The following NLRP14 variants were observed in gnomAD, a reference collection of about 807,000 sequenced individuals.
NLRP14 encodes the protein NACHT, LRR and PYD domains-containing protein 14.
Under a neutral mutation model 94.7 loss-of-function variants are expected in NLRP14, and 105 were observed. The ratio of observed to expected loss-of-function variants is 1.11; its 90% confidence interval spans 0.95 to 1.30. The LOEUF is 1.30. Ranked by LOEUF, NLRP14 falls within the 50% of genes most tolerant of loss-of-function variation. The pLI is 0.00. For synonymous variants in NLRP14, 508 were observed against 459.9 expected (o/e 1.10, Z -1.34); for missense variants, 1,362 against 1,254.1 (o/e 1.09, Z -1.30).
downstream of NLRP14, among the ~76,000 whole-genome samples, chr11:7,076,271 T>C (rs1051889429): frequency 6.6e-6 from 1 of 152,174 alleles, no homozygotes; most frequent in Non-Finnish European, 1.5e-5. Context: ...GAAGAAAGGG[T>C]TTGCAATTTT....
At chr11:7,069,291 CAAAAA>C (rs1001444978) in intron 10 of NLRP14, among the ~76,000 whole-genome samples, 1 of 151,256 alleles carries the variant, frequency 6.6e-6, no homozygotes, top group Non-Finnish European at 1.5e-5. Context: ...GATCACTTAA[CAAAAA>C]AAAAGTTTTG....
Position 7,071,102 on chromosome 11 carries a change from C to A in NLRP14, c.3147-71C>A, listed in dbSNP as rs190834247. 10 of 1,551,702 alleles carry A rather than the reference C, an allele frequency of 6.4e-6. No homozygotes were observed. In the East Asian group the frequency reaches 1.1e-4, roughly 17 times the overall value. Reference sequence around the variant, plus strand: ...CAGTTTTTTTTCTCCTGAAATAAATCCTTTACAGAGAAAGTGGAGGGCTGT... The same window carrying A: ...CAGTTTTTTTTCTCCTGAAATAAATACTTTACAGAGAAAGTGGAGGGCTGT... On this transcript the variant is annotated intron_variant, in intron 11 of 11. Transcript: ENST00000299481.
chr11:7,028,424 A>G (rs554700628), intron 1 of NLRP14, among the ~76,000 whole-genome samples: 18 of 152,224 alleles, frequency 1.2e-4, no homozygotes, highest in Admixed American at 1.0e-3. Flanking sequence ...CGCCCTAGAC[A>G]TCATTTTCTC....
rs199769842 is a variant in NLRP14 at position 7,038,542 on chromosome 11, T to C, written c.-21-24T>C. ...GTGTCCCATTTATTCCATGTGCTTTTGGTTATTTTTTTTCCCCCCACAGAG... is the reference window on the plus strand; with the variant it reads ...GTGTCCCATTTATTCCATGTGCTTTCGGTTATTTTTTTTCCCCCCACAGAG... On this transcript the variant is annotated intron_variant, in intron 1 of 11. Transcript: ENST00000299481. 4.3e-5 allele frequency: 68 copies of C among 1,571,320 alleles called. No individual in the cohort carries two copies. The African/African-American group carries it at 7.3e-4, about 17-fold the overall frequency.
intron 1 of NLRP14, among the ~76,000 whole-genome samples, chr11:7,032,051 A>G (rs1400726709): frequency 6.6e-6 from 1 of 152,222 alleles, no homozygotes; most frequent in East Asian, 1.9e-4. Context: ...TACAGATGGC[A>G]GGCATTCATT....
chr11:7,051,414 A>G lies in NLRP14; in HGVS notation c.2291+1576A>G, dbSNP rs79495029. On this transcript the variant is annotated intron_variant, in intron 6 of 11. Transcript: ENST00000299481. Reference sequence around the variant, plus strand: ...TATAGACCATGCACAAGTTTTTAGAATTGCATTTTGATGTTATACTCTCTC... The same window carrying G: ...TATAGACCATGCACAAGTTTTTAGAGTTGCATTTTGATGTTATACTCTCTC... Among the ~76,000 whole-genome samples the G allele has an allele frequency of 2.6e-3, 389 of 152,182 alleles. 3 individuals are homozygous for G. Among genetic ancestry groups the G allele is most frequent in the African/African-American group, 9.2e-3 (380 of 41,528 alleles).
In NLRP14 at chr11:7,043,988, A is replaced by C. The variant is rs1852313421; in HGVS notation, c.1958+4A>C. ...CAAGCCTCCCAACTAACACTTGGTA[A>C]GTGTGTTAGGGCCATTCCCTGGAAG... is the stretch of plus-strand genomic sequence containing the variant. On this transcript the variant is annotated splice_donor_region_variant and intron_variant, in intron 4 of 11. Transcript: ENST00000299481. 4.3e-6 allele frequency: 7 copies of C among 1,613,536 alleles called. No individual in the cohort carries two copies. Among genetic ancestry groups the C allele is most frequent in the South Asian group, 1.1e-5 (1 of 91,072 alleles).
chr11:7,080,026 A>T, the NLRP14 span, among the ~76,000 whole-genome samples: 1 of 152,178 alleles, frequency 6.6e-6, no homozygotes, highest in Non-Finnish European at 1.5e-5. Flanking sequence ...AAGGTTGTTT[A>T]CCAGGGCAGG....
chr11:7,042,289 C>T (rs1852264154), intron 3 of NLRP14, 99 bp from the exon 4 acceptor site: 2 of 959,990 alleles, frequency 2.1e-6, no homozygotes, highest in East Asian at 2.4e-5. Context: ...TTTCTTGTTC[C>T]TAATTCCAAG....
chr11:7,043,121 G>T lies in NLRP14; in HGVS notation c.1095G>T (p.Met365Ile). 1 of 1,614,204 alleles carries T rather than the reference G, an allele frequency of 6.2e-7. No individual in the cohort carries two copies. The highest frequency in any genetic ancestry group is 1.1e-5 in the South Asian group (1 of 91,084). Residue 365 changes from methionine to isoleucine, a missense_variant, in exon 4 of 12, where the codon ATG (methionine) becomes ATT (isoleucine). Physicochemically the swap from Met to Ile is conservative, Grantham distance 10. Transcript: ENST00000299481. ...SLKSNEMLFS[M>I]CQVPLVCWAA... ...AAAGCAATGAGATGCTGTTTAGCAT[G>T]TGCCAAGTCCCCCTAGTGTGCTGGG...
the NLRP14 span, among the ~76,000 whole-genome samples, chr11:7,078,840 A>G: frequency 1.3e-5 from 2 of 152,160 alleles, no homozygotes; most frequent in African/African-American, 4.8e-5. Context: ...CCAAATTGGG[A>G]GTCTCCCTCC....
At chr11:7,089,623 G>T in the NLRP14 span, 1 of 1,243,426 alleles carries the variant, frequency 8.0e-7, no homozygotes, top group Non-Finnish European at 1.0e-6. Flanking sequence ...GCGCCGTCGG[G>T]CCCGGCTCGC....
intron 1 of NLRP14, among the ~76,000 whole-genome samples, chr11:7,030,917 C>T (rs1852082999): frequency 6.6e-6 from 1 of 152,228 alleles, no homozygotes; most frequent in Admixed American, 6.5e-5. Context: ...AACACTGAAT[C>T]TTCTGCGGTA....
chr11:7,026,570 AG>A (rs200591496), intron 1 of NLRP14, among the ~76,000 whole-genome samples: 4,699 of 152,168 alleles, frequency 0.031, 136 homozygotes, highest in East Asian at 0.13. Context: ...ACTGAAAACT[AG>A]TTCAACCATT....
the NLRP14 span, among the ~76,000 whole-genome samples, chr11:7,080,146 G>A: frequency 2.0e-5 from 3 of 152,254 alleles, no homozygotes; most frequent in Non-Finnish European, 4.4e-5. Flanking sequence ...TTAACAACTT[G>A]GCAACTGTTT....
intron 1 of NLRP14, among the ~76,000 whole-genome samples, chr11:7,021,731 T>G (rs1851942060): frequency 6.6e-6 from 1 of 151,884 alleles, no homozygotes; most frequent in African/African-American, 2.4e-5. Context: ...GTTGGTGTGC[T>G]GCACCCATTA....
chr11:7,030,593 T>C (rs1190270948), intron 1 of NLRP14, among the ~76,000 whole-genome samples: 1 of 151,920 alleles, frequency 6.6e-6, no homozygotes, highest in African/African-American at 2.4e-5. Flanking sequence ...CCTGGTATAC[T>C]ACAATTCATT....
intron 10 of NLRP14, among the ~76,000 whole-genome samples, chr11:7,063,909 T>C (rs1033618111): frequency 6.6e-6 from 1 of 152,100 alleles, no homozygotes; most frequent in African/African-American, 2.4e-5. Flanking sequence ...TGCCATTCTT[T>C]GGTGTCACTG....
At chr11:7,088,408 A>G in the NLRP14 span, among the ~76,000 whole-genome samples, 1 of 152,338 alleles carries the variant, frequency 6.6e-6, no homozygotes, top group East Asian at 1.9e-4. Context: ...TGCATAGAGA[A>G]TAAGTTTTAA....
Sources: allele counts gnomAD v4.1 joint callset (sites outside exome capture counted in the v4.1 genomes callset), GRCh38; gene constraint gnomAD v4.1.1; transcripts MANE v1.5; gene names NCBI Gene and HGNC (gene_info 2026-07-23, HGNC 2026-07-21).